CDK14: variants seen among roughly 807,000 people sequenced by gnomAD.
CDK14 encodes the protein cyclin-dependent kinase 14.
Under a neutral mutation model 60.7 loss-of-function variants are expected in CDK14, and 34 were observed. That is an observed-to-expected ratio of 0.56 (90% confidence interval 0.43 to 0.75). CDK14 has a LOEUF of 0.75. CDK14 is among the 30% of genes least tolerant of loss of function. The pLI is 0.00. For missense variants in CDK14, 482 were observed against 564.1 expected (o/e 0.85, Z 1.47); for synonymous variants, 197 against 203.7 (o/e 0.97, Z 0.28).
intron 4 of CDK14, among the ~76,000 whole-genome samples, chr7:90,785,839 A>G (rs576929538): frequency 3.8e-4 from 58 of 151,884 alleles, no homozygotes; most frequent in African/African-American, 1.3e-3. Context: ...TTACTCCCAC[A>G]AGAAAATTTT....
At chr7:90,630,104 C>CA (rs964157214) in intron 2 of CDK14, among the ~76,000 whole-genome samples, 3 of 151,872 alleles carry the variant, frequency 2.0e-5, no homozygotes, top group South Asian at 2.1e-4. Flanking sequence ...CACAAAACCA[C>CA]AAAAAACAAA....
chr7:90,774,318 G>A (rs533980532), intron 4 of CDK14, among the ~76,000 whole-genome samples: 160 of 152,266 alleles, frequency 1.1e-3, no homozygotes, highest in African/African-American at 3.4e-3. Context: ...TTCAACATGT[G>A]TAGGTAGTTC....
In CDK14 at chr7:91,088,158, C is replaced by G. The variant is rs149941067; in HGVS notation, c.1154+8678C>G. On this transcript the variant is annotated intron_variant, in intron 12 of 14. Transcript: ENST00000380050. ...TAAAAGTAATTATCCTTGCTGTTTA[C>G]AGCATTTAAAGGGGGAAGGTAGATG... 3.4e-3 allele frequency among the ~76,000 whole-genome samples: 525 copies of G among 152,276 alleles called. 1 individual carries two copies. The highest frequency in any genetic ancestry group is 0.012 in the African/African-American group (510 of 41,542).
chr7:91,160,545 T>G (rs1230332082), intron 14 of CDK14, among the ~76,000 whole-genome samples: 2 of 152,338 alleles, frequency 1.3e-5, no homozygotes, highest in East Asian at 3.9e-4. Context: ...TATAAATACT[T>G]GTACTGAAAT....
chr7:90,766,008 T>G (rs1256023053), intron 4 of CDK14, among the ~76,000 whole-genome samples: 3 of 152,228 alleles, frequency 2.0e-5, no homozygotes, highest in African/African-American at 7.2e-5. Context: ...TAGCTCTTTT[T>G]ATTGTCGGCT....
intron 2 of CDK14, among the ~76,000 whole-genome samples, chr7:90,649,687 A>G (rs1354785189): frequency 6.6e-6 from 1 of 151,548 alleles, no homozygotes; most frequent in Non-Finnish European, 1.5e-5. Context: ...TTCACTTCCC[A>G]CCTGTGAGTG....
chr7:90,927,790 T>G (rs553705372), intron 8 of CDK14, among the ~76,000 whole-genome samples: 1 of 152,168 alleles, frequency 6.6e-6, no homozygotes, highest in Non-Finnish European at 1.5e-5. Flanking sequence ...TTCTCCTGGT[T>G]AATATCCTGC....
At chr7:90,803,116 T>TTG (rs57407528) in intron 5 of CDK14, among the ~76,000 whole-genome samples, 7 of 151,496 alleles carry the variant, frequency 4.6e-5, no homozygotes, top group Non-Finnish European at 7.4e-5. Context: ...TTTTTTTTTT[T>TTG]CTTGCAGTAT....
chr7:91,174,888 A>G (rs1300187963), intron 14 of CDK14, among the ~76,000 whole-genome samples: 1 of 131,044 alleles, frequency 7.6e-6, no homozygotes, highest in African/African-American at 3.1e-5. Context: ...ACTCTGCAGG[A>G]TATTATCCAG....
At chr7:90,666,464 A>G (rs1426689140) in intron 2 of CDK14, 1 of 152,226 alleles carries the variant, frequency 6.6e-6, no homozygotes, top group African/African-American at 2.4e-5. Context: ...GAGACATACT[A>G]TAGCCCTTTT....
chr7:91,103,024 C>T (rs866423682), intron 12 of CDK14, among the ~76,000 whole-genome samples: 1 of 152,090 alleles, frequency 6.6e-6, no homozygotes, highest in Non-Finnish European at 1.5e-5. Context: ...GAGGCTGAGG[C>T]GGGCGGATCA....
At chr7:91,105,834 A>C (rs982475386) in intron 12 of CDK14, among the ~76,000 whole-genome samples, 42 of 152,194 alleles carry the variant, frequency 2.8e-4, no homozygotes, top group African/African-American at 9.6e-4. Flanking sequence ...AACTTAAGAG[A>C]CTATCAAAAC....
chr7:90,832,670 A>T (rs1562790875), intron 5 of CDK14, among the ~76,000 whole-genome samples: 1 of 152,316 alleles, frequency 6.6e-6, no homozygotes, highest in East Asian at 1.9e-4. Flanking sequence ...ATCATTGATA[A>T]GTCTTGTGGT....
intron 14 of CDK14, among the ~76,000 whole-genome samples, chr7:91,171,873 C>T (rs888238174): frequency 2.0e-5 from 3 of 152,150 alleles, no homozygotes; most frequent in Non-Finnish European, 4.4e-5. Flanking sequence ...TCTCGAACTC[C>T]TGACCTCAAA....
chr7:90,919,034 A>G (rs1260490718), intron 8 of CDK14, among the ~76,000 whole-genome samples: 1 of 152,152 alleles, frequency 6.6e-6, no homozygotes, highest in Admixed American at 6.6e-5. Flanking sequence ...TGGGTATAAA[A>G]TCTTTTTATA....
At chr7:91,060,604 A>G (rs1797751456) in intron 11 of CDK14, among the ~76,000 whole-genome samples, 1 of 152,182 alleles carries the variant, frequency 6.6e-6, no homozygotes, top group Non-Finnish European at 1.5e-5. Context: ...GGTGGTGACA[A>G]AATCTCTCAG....
At chr7:90,629,756 G>T (rs910943028) in intron 2 of CDK14, among the ~76,000 whole-genome samples, 1 of 152,194 alleles carries the variant, frequency 6.6e-6, no homozygotes, top group Non-Finnish European at 1.5e-5. Flanking sequence ...GCTGGGTGCG[G>T]TGGCTCACAC....
chr7:90,608,065 C>A (rs896716694), intron 2 of CDK14, among the ~76,000 whole-genome samples: 1 of 152,286 alleles, frequency 6.6e-6, no homozygotes, highest in East Asian at 1.9e-4. Flanking sequence ...TTTTAGTGGA[C>A]ATAATGTTTC....
At chr7:90,925,881 C>T (rs1024683) in intron 8 of CDK14, among the ~76,000 whole-genome samples, 3,497 of 152,192 alleles carry the variant, frequency 0.023, 161 homozygotes, top group East Asian at 0.18. Context: ...TTAAATCACT[C>T]ATATAAGAGA....
Sources: allele counts gnomAD v4.1 joint callset (sites outside exome capture counted in the v4.1 genomes callset), GRCh38; gene constraint gnomAD v4.1.1; transcripts MANE v1.5; gene names NCBI Gene and HGNC (gene_info 2026-07-23, HGNC 2026-07-21).